The following KCNIP4 variants were observed in gnomAD, a reference collection of about 807,000 sequenced individuals.
KCNIP4 encodes the protein potassium voltage-gated channel interacting protein 4.
A neutral mutation model predicts 34.0 loss-of-function variants in KCNIP4; 12 were observed. The ratio of observed to expected loss-of-function variants is 0.35; its 90% CI spans 0.23 to 0.57. KCNIP4 has a LOEUF of 0.57. Among genes scored for constraint, KCNIP4 ranks in the 20% least tolerant of loss-of-function variants. The pLI is 0.83. For missense variants in KCNIP4, 238 were observed against 311.7 expected, an observed-to-expected ratio of 0.76 and a Z score of 1.78; for synonymous variants, 124 against 102.2, an observed-to-expected ratio of 1.21 and a Z score of -1.29.
intron 1 of KCNIP4, among the ~76,000 whole-genome samples, chr4:21,379,851 T>C (rs935667971): frequency 6.6e-6 from 1 of 152,128 alleles, no homozygotes; most frequent in African/African-American, 2.4e-5. Context: ...TTATTGTAAT[T>C]ATGTATGTCT....
At chr4:21,846,132 G>A (rs1233052834) in intron 1 of KCNIP4, 2 of 151,994 alleles carry the variant, frequency 1.3e-5, no homozygotes, top group Non-Finnish European at 2.9e-5. Context: ...TAGATCTATA[G>A]TTTCTTTTTA....
chr4:21,396,549 CAAA>C lies in KCNIP4; in HGVS notation c.62-513843_62-513841del, dbSNP rs555585102. Reference sequence around the variant, plus strand: ...CCAGCCTGGTGACAGAGCAAGACTCCAAAAAAAAAAAAAAAAAAAGAGGATTCT... The same window carrying C: ...CCAGCCTGGTGACAGAGCAAGACTCCAAAAAAAAAAAAAAAAGAGGATTCT... On this transcript the variant is annotated intron_variant, in intron 1 of 8. Coordinates refer to ENST00000382152, the MANE Select transcript of KCNIP4 (RefSeq NM_025221.6). Among the ~76,000 whole-genome samples, 207 of 52,826 alleles carry C rather than the reference CAAA, an allele frequency of 3.9e-3. 9 individuals carry two copies. The highest frequency in any genetic ancestry group is 6.2e-3 in the Non-Finnish European group (158 of 25,588). 34.7% of individuals were successfully genotyped at this position (52,826 alleles called of 152,430 possible).
At chr4:20,742,961 A>G (rs1353723348) in intron 5 of KCNIP4, among the ~76,000 whole-genome samples, 1 of 152,116 alleles carries the variant, frequency 6.6e-6, no homozygotes, top group Non-Finnish European at 1.5e-5. Flanking sequence ...ACTCCCATTC[A>G]CAATTGCTTC....
chr4:21,761,219 A>T (rs185461345), intron 1 of KCNIP4, among the ~76,000 whole-genome samples: 53 of 152,234 alleles, frequency 3.5e-4, no homozygotes, highest in Non-Finnish European at 6.0e-4. Flanking sequence ...CACCTGCCAC[A>T]GCTTCTCAAG....
chr4:21,528,675 C>CAAAG (rs1210670568), intron 1 of KCNIP4, among the ~76,000 whole-genome samples: 7 of 84,242 alleles, frequency 8.3e-5, no homozygotes, highest in African/African-American at 2.0e-4. Flanking sequence ...TCATAAAAAA[C>CAAAG]AAAGAAAGAA....
At chr4:21,271,925 G>C (rs1330520359) in intron 1 of KCNIP4, among the ~76,000 whole-genome samples, 1 of 152,168 alleles carries the variant, frequency 6.6e-6, no homozygotes, top group East Asian at 1.9e-4. Context: ...GATGCATTCA[G>C]AAAGAATTTA....
intron 1 of KCNIP4, among the ~76,000 whole-genome samples, chr4:21,757,198 G>GGAAGGAAAGAAAGAAA (rs1717665936): frequency 2.5e-5 from 1 of 39,566 alleles, no homozygotes; most frequent in Non-Finnish European, 4.7e-5. Flanking sequence ...AAGGAAGGAA[G>GGAAGGAAAGAAAGAAA]GAAAGAAAGA....
At chr4:21,255,222 C>A (rs1347223988) in intron 1 of KCNIP4, among the ~76,000 whole-genome samples, 4 of 152,134 alleles carry the variant, frequency 2.6e-5, no homozygotes, top group Non-Finnish European at 5.9e-5. Context: ...CTCATGCCCC[C>A]ATCCTTGACT....
intron 1 of KCNIP4, among the ~76,000 whole-genome samples, chr4:21,068,650 C>T (rs73802449): frequency 0.022 from 3,300 of 152,146 alleles, 132 homozygotes; most frequent in African/African-American, 0.075. Context: ...TAGTTGATAT[C>T]CCTCCTCTTC....
intron 1 of KCNIP4, among the ~76,000 whole-genome samples, chr4:21,639,424 C>A (rs1746452205): frequency 6.6e-6 from 1 of 151,440 alleles, no homozygotes; most frequent in Admixed American, 6.6e-5. Context: ...TGAAGACAGT[C>A]AATCTTTGTC....
At chr4:21,663,205 T>C (rs1748577986) in intron 1 of KCNIP4, among the ~76,000 whole-genome samples, 1 of 152,244 alleles carries the variant, frequency 6.6e-6, no homozygotes, top group African/African-American at 2.4e-5. Flanking sequence ...GAAAAGAAGT[T>C]ATCGATGACA....
intron 1 of KCNIP4, among the ~76,000 whole-genome samples, chr4:21,612,794 A>G (rs1744261835): frequency 6.6e-6 from 1 of 152,198 alleles, no homozygotes; most frequent in African/African-American, 2.4e-5. Flanking sequence ...AGGCAGCTTG[A>G]TAGAGGGTAA....
intron 1 of KCNIP4, among the ~76,000 whole-genome samples, chr4:21,820,692 T>G (rs2109288857): frequency 6.6e-6 from 1 of 152,292 alleles, no homozygotes; most frequent in East Asian, 1.9e-4. Flanking sequence ...TTTGCTCTGC[T>G]GATAATTTCA....
chr4:21,615,038 A>C (rs1744479434), intron 1 of KCNIP4, among the ~76,000 whole-genome samples: 1 of 152,160 alleles, frequency 6.6e-6, no homozygotes, highest in East Asian at 1.9e-4. Flanking sequence ...CATCTATGGG[A>C]TAGGCTTTCC....
chr4:21,637,660 G>A (rs542227406), intron 1 of KCNIP4, among the ~76,000 whole-genome samples: 2 of 151,662 alleles, frequency 1.3e-5, no homozygotes, highest in African/African-American at 2.4e-5. Context: ...GCGCACACCT[G>A]TAATCCCAGC....
chr4:21,271,569 G>T (rs1049121846), intron 1 of KCNIP4, among the ~76,000 whole-genome samples: 7 of 152,002 alleles, frequency 4.6e-5, no homozygotes, highest in Non-Finnish European at 2.9e-5. Flanking sequence ...GTCTGATGGG[G>T]TCCAAAAAAA....
chr4:21,832,751 C>A (rs1180906445), intron 1 of KCNIP4, among the ~76,000 whole-genome samples: 1 of 121,320 alleles, frequency 8.2e-6, no homozygotes, highest in Admixed American at 9.1e-5. Context: ...TCCCCCCACC[C>A]CACAACAGTC....
chr4:21,384,912 A>G (rs1033090697), intron 1 of KCNIP4, among the ~76,000 whole-genome samples: 5 of 152,194 alleles, frequency 3.3e-5, no homozygotes. Flanking sequence ...TATATTTACA[A>G]CATAATTTAC....
chr4:21,533,202 C>T (rs1275818998), intron 1 of KCNIP4, among the ~76,000 whole-genome samples: 1 of 151,872 alleles, frequency 6.6e-6, no homozygotes, highest in East Asian at 1.9e-4. Flanking sequence ...TATGAAATGC[C>T]ATATCATGAA....
Sources: gnomAD v4.1 joint callset for allele counts (sites outside exome capture counted in the v4.1 genomes callset) on GRCh38, gnomAD v4.1.1 for gene constraint, MANE v1.5 for transcripts, NCBI Gene and HGNC (gene_info 2026-07-23, HGNC 2026-07-21) for gene names.